Variants in SRGAP3 observed in about 807,000 individuals in gnomAD.
SRGAP3 encodes the protein SLIT-ROBO Rho GTPase activating protein 3.
In SRGAP3, 39 loss-of-function variants were observed where a neutral mutation model predicts 121.1. That is an observed-to-expected ratio of 0.32 (90% CI 0.25 to 0.42). The LOEUF is 0.42. Among genes scored for constraint, SRGAP3 ranks in the 10% least tolerant of loss-of-function variants. SRGAP3 has a pLI of 1.00. For synonymous variants in SRGAP3, 601 were observed against 570.0 expected, an observed-to-expected ratio of 1.05 and a Z score of -0.77; for missense variants, 1,213 against 1,470.6, an observed-to-expected ratio of 0.82 and a Z score of 2.86.
intron 3 of SRGAP3, among the ~76,000 whole-genome samples, chr3:9,086,509 G>C (rs1575052174): frequency 8.9e-6 from 1 of 112,142 alleles, no homozygotes; most frequent in Non-Finnish European, 1.7e-5. Flanking sequence ...GACAGAATGA[G>C]ACTGTTTCAA....
chr3:9,064,890 A>AATAT (rs1553651310), intron 4 of SRGAP3, among the ~76,000 whole-genome samples: 77 of 151,094 alleles, frequency 5.1e-4, no homozygotes, highest in African/African-American at 1.8e-3. Flanking sequence ...TAAATAAATA[A>AATAT]GGAGGAAATT....
At chr3:9,035,821 G>A (rs1559968975) in intron 11 of SRGAP3, 1 of 155,224 alleles carries the variant, frequency 6.4e-6, no homozygotes, top group Non-Finnish European at 1.4e-5. Context: ...AATAGACTTG[G>A]AGGTCAACAT....
chr3:9,026,677 T>G (rs571014577), intron 13 of SRGAP3, among the ~76,000 whole-genome samples: 8 of 152,310 alleles, frequency 5.3e-5, no homozygotes, highest in Admixed American at 5.2e-4. Flanking sequence ...AGCTATAGGG[T>G]TGAGTTCTCT....
intron 21 of SRGAP3, among the ~76,000 whole-genome samples, chr3:8,988,547 C>G (rs1300112083): frequency 6.6e-6 from 1 of 151,808 alleles, no homozygotes; most frequent in Non-Finnish European, 1.5e-5. Context: ...ACACATGCAG[C>G]AGGCCCCAAG....
chr3:9,283,103 G>T (rs569565067), intron 3 of SRGAP3, among the ~76,000 whole-genome samples: 1 of 152,088 alleles, frequency 6.6e-6, no homozygotes, highest in South Asian at 2.1e-4. Flanking sequence ...ATTATACCTG[G>T]CTAGTTTTTT....
intron 10 of SRGAP3, among the ~76,000 whole-genome samples, chr3:9,047,016 T>C (rs1945318561): frequency 6.6e-6 from 1 of 152,030 alleles, no homozygotes; most frequent in African/African-American, 2.4e-5. Context: ...ATTTTTTTAG[T>C]AGAGACGGGG....
chr3:9,211,911 A>G (rs1952460027), intron 1 of SRGAP3, among the ~76,000 whole-genome samples: 1 of 151,896 alleles, frequency 6.6e-6, no homozygotes, highest in Non-Finnish European at 1.5e-5. Context: ...CCTGGCCTCA[A>G]GTGATTTTCC....
Position 9,104,847 on chromosome 3 carries a change from G to A in SRGAP3, c.261-5C>T. 6.2e-7 allele frequency: 1 copy of A among 1,614,192 alleles called. No individual in the cohort carries two copies. The highest frequency in any genetic ancestry group is 1.1e-5 in the South Asian group (1 of 91,072). On this transcript the variant is annotated splice_polypyrimidine_tract_variant and splice_region_variant and intron_variant, in intron 2 of 21. Transcript: ENST00000383836. Reference sequence around the variant, plus strand: ...GAGAGGAGGTACTGGTCCTTCCTGTGGAAACCAAGAAAGCTCAGGTTGGCT... The same window carrying A: ...GAGAGGAGGTACTGGTCCTTCCTGTAGAAACCAAGAAAGCTCAGGTTGGCT...
intron 3 of SRGAP3, among the ~76,000 whole-genome samples, chr3:9,093,630 T>C (rs1233671932): frequency 6.6e-6 from 1 of 152,098 alleles, no homozygotes; most frequent in Non-Finnish European, 1.5e-5. Flanking sequence ...TTCCTTCCCA[T>C]TCCTTTATCA....
At chr3:9,327,821 T>C (rs193267230) in intron 2 of SRGAP3, among the ~76,000 whole-genome samples, 26 of 152,394 alleles carry the variant, frequency 1.7e-4, no homozygotes, top group Admixed American at 1.5e-3. Context: ...ACAGACCATG[T>C]ATGACATGTT....
intron 7 of SRGAP3, 105 bp from the exon 8 acceptor site, chr3:9,056,439 A>AG: frequency 1.6e-6 from 2 of 1,239,144 alleles, no homozygotes; most frequent in Non-Finnish European, 2.3e-6. Context: ...TCCAGGAAAC[A>AG]GGGGCTCGGA....
rs1346642372 is a variant in SRGAP3 at position 9,287,050 on chromosome 3, A to G, written n.442+38960T>C. On this transcript the variant is annotated intron_variant and non_coding_transcript_variant, in intron 3 of 3. Transcript: ENST00000490889. ...TCTGTCACCCAGGCTGGATTGGAGT[A>G]CTGCATTTATGGCTCACTGCAGCCT... 3.3e-5 allele frequency among the ~76,000 whole-genome samples: 4 copies of G among 121,116 alleles called. No homozygotes were observed. The Admixed American group carries it at 3.4e-4, about 10-fold the overall frequency. 79.5% of individuals were successfully genotyped at this position (121,116 alleles called of 152,430 possible).
At chr3:9,254,476 G>A (rs538794191), upstream of SRGAP3, among the ~76,000 whole-genome samples, 115 of 152,310 alleles carry the variant, frequency 7.6e-4, 1 homozygote, top group South Asian at 0.023. Context: ...TTAATAGGAA[G>A]TACCAAGTTT....
At chr3:9,318,698 AC>A (rs893623260) in intron 3 of SRGAP3, among the ~76,000 whole-genome samples, 4 of 143,780 alleles carry the variant, frequency 2.8e-5, no homozygotes, top group Middle Eastern at 3.2e-3. Context: ...ACATAGCAAG[AC>A]CCCATCTGTA....
intron 14 of SRGAP3, among the ~76,000 whole-genome samples, chr3:9,022,210 C>T (rs1415102224): frequency 1.3e-5 from 2 of 152,190 alleles, no homozygotes; most frequent in Non-Finnish European, 2.9e-5. Flanking sequence ...CGCCTGTAGT[C>T]CCAGCTACTC....
intron 1 of SRGAP3, among the ~76,000 whole-genome samples, chr3:9,158,686 C>G (rs1448565611): frequency 6.6e-6 from 1 of 152,170 alleles, no homozygotes. Flanking sequence ...TCTCTTTGCA[C>G]AGTAGGGAAA....
intron 3 of SRGAP3, among the ~76,000 whole-genome samples, chr3:9,281,666 C>G (rs1297370369): frequency 6.6e-6 from 1 of 151,930 alleles, no homozygotes; most frequent in Non-Finnish European, 1.5e-5. Context: ...TTAGTAGATA[C>G]TTTTGTTTGT....
rs952726206 is a variant in SRGAP3 at position 9,283,703 on chromosome 3, G to GA, written n.442+42306dup. On this transcript the variant is annotated intron_variant and non_coding_transcript_variant, in intron 3 of 3. Coordinates refer to the SRGAP3 transcript ENST00000490889. Reference sequence around the variant, plus strand: ...TAAAAGATAATTTTTTTAAAAAAAAGAAAAAAAGGTAAAACCATGACTCTT... The same window carrying GA: ...TAAAAGATAATTTTTTTAAAAAAAAGAAAAAAAAGGTAAAACCATGACTCTT... Among the ~76,000 whole-genome samples, 17 of 151,730 alleles carry GA rather than the reference G, an allele frequency of 1.1e-4. No homozygotes were observed. In the East Asian group the frequency reaches 3.3e-3, roughly 29 times the overall value.
intron 1 of SRGAP3, among the ~76,000 whole-genome samples, chr3:9,206,095 T>C (rs1206240260): frequency 6.6e-6 from 1 of 152,196 alleles, no homozygotes. Context: ...CCAATGAACA[T>C]ACACTTAAAA....
Sources: allele counts gnomAD v4.1 joint callset (sites outside exome capture counted in the v4.1 genomes callset), GRCh38; gene constraint gnomAD v4.1.1; transcripts MANE v1.5; gene names NCBI Gene and HGNC (gene_info 2026-07-23, HGNC 2026-07-21).